Variants in CCDC7 observed in about 807,000 individuals in gnomAD.
CCDC7 encodes coiled-coil domain containing 7.
CCDC7 carries 183 observed loss-of-function variants against 196.9 expected under a neutral mutation model. The observed-to-expected ratio is 0.93, with a 90% CI of 0.82 to 1.05. The LOEUF (loss-of-function observed/expected upper bound fraction) is 1.05, where lower values mean the gene tolerates loss of function less well. CCDC7 is among the 50% of genes least tolerant of loss of function. The pLI is 0.00. For synonymous variants in CCDC7, 525 were observed against 484.6 expected (o/e 1.08, Z -1.10); for missense variants, 1,540 against 1,482.2 (o/e 1.04, Z -0.64).
At chr10:32,481,992 G>T (rs1264288991) in intron 8 of CCDC7, among the ~76,000 whole-genome samples, 1 of 151,760 alleles carries the variant, frequency 6.6e-6, no homozygotes, top group East Asian at 1.9e-4. Flanking sequence ...AATATTCTTT[G>T]GGTTGTACCT....
At chr10:32,669,902 A>T (rs867331822) in intron 21 of CCDC7, among the ~76,000 whole-genome samples, 82 of 152,218 alleles carry the variant, frequency 5.4e-4, no homozygotes, top group African/African-American at 1.6e-3. Flanking sequence ...TTATACGTGA[A>T]TTCTCTTTCT....
chr10:32,859,759 C>A (rs1433319728), intron 41 of CCDC7, among the ~76,000 whole-genome samples: 1 of 152,158 alleles, frequency 6.6e-6, no homozygotes, highest in Non-Finnish European at 1.5e-5. Context: ...GAAATACAAA[C>A]TACCATCAGA....
intron 18 of CCDC7, among the ~76,000 whole-genome samples, chr10:32,593,611 G>A (rs1456242827): frequency 1.3e-5 from 2 of 152,206 alleles, no homozygotes; most frequent in Non-Finnish European, 2.9e-5. Flanking sequence ...TTTTACACAT[G>A]AAGTCCTTGC....
At chr10:32,528,771 C>CATATATACGTATTTACATAT (rs1564559763) in intron 11 of CCDC7, among the ~76,000 whole-genome samples, 1 of 115,614 alleles carries the variant, frequency 8.6e-6, no homozygotes, top group African/African-American at 3.8e-5. Context: ...TTTACATATA[C>CATATATACGTATTTACATAT]ACACACATTA....
intron 32 of CCDC7, among the ~76,000 whole-genome samples, chr10:32,826,843 T>C (rs967773050): frequency 6.6e-6 from 1 of 152,222 alleles, no homozygotes; most frequent in African/African-American, 2.4e-5. Context: ...GTGCACCTGG[T>C]TGTGCACTCT....
chr10:32,556,118 T>C (rs1320399855), intron 13 of CCDC7, among the ~76,000 whole-genome samples: 7 of 152,202 alleles, frequency 4.6e-5, no homozygotes, highest in Admixed American at 4.6e-4. Flanking sequence ...TTGTACCTTT[T>C]TATGGGAGCT....
chr10:32,487,706 C>T (rs1293983851), intron 8 of CCDC7, among the ~76,000 whole-genome samples: 1 of 152,210 alleles, frequency 6.6e-6, no homozygotes, highest in Non-Finnish European at 1.5e-5. Context: ...TTCCAACAGT[C>T]AGGACCCTCA....
At chr10:32,652,018 A>T (rs1342983691) in intron 20 of CCDC7, among the ~76,000 whole-genome samples, 1 of 152,074 alleles carries the variant, frequency 6.6e-6, no homozygotes, top group Non-Finnish European at 1.5e-5. Flanking sequence ...TGTAGTGTTG[A>T]ATTCCCCTCC....
chr10:32,556,587 C>T (rs1232116578), intron 13 of CCDC7, among the ~76,000 whole-genome samples: 2 of 152,124 alleles, frequency 1.3e-5, no homozygotes, highest in African/African-American at 2.4e-5. Flanking sequence ...AGTCTTCTAT[C>T]TTTTTCATCA....
intron 21 of CCDC7, among the ~76,000 whole-genome samples, chr10:32,673,127 G>T (rs1446179444): frequency 6.6e-6 from 1 of 152,030 alleles, no homozygotes; most frequent in African/African-American, 2.4e-5. Context: ...ATTAATTCTG[G>T]ACTCCCTGTT....
At chr10:32,845,503 A>C in intron 34 of CCDC7, 40 bp from the exon 36 acceptor site, 6 of 1,497,812 alleles carry the variant, frequency 4.0e-6, no homozygotes, top group Non-Finnish European at 5.5e-6. Context: ...TGGTAATGAT[A>C]ATCTTACAAA....
At chr10:32,595,892 T>C (rs138703814) in intron 18 of CCDC7, among the ~76,000 whole-genome samples, 2 of 152,190 alleles carry the variant, frequency 1.3e-5, no homozygotes, top group African/African-American at 2.4e-5. Flanking sequence ...TTTTGGTTGC[T>C]CTGTGGTCTG....
At chr10:32,712,465 G>A (rs777649131) in intron 25 of CCDC7, among the ~76,000 whole-genome samples, 2 of 152,152 alleles carry the variant, frequency 1.3e-5, no homozygotes, top group Non-Finnish European at 2.9e-5. Flanking sequence ...CATGCTGCAC[G>A]TGGGTGAACA....
intron 16 of CCDC7, among the ~76,000 whole-genome samples, chr10:32,581,822 G>A (rs2058754526): frequency 6.6e-6 from 1 of 151,880 alleles, no homozygotes; most frequent in African/African-American, 2.4e-5. Context: ...AAAAACATTT[G>A]CTTTCTATTT....
intron 29 of CCDC7, among the ~76,000 whole-genome samples, chr10:32,787,402 C>T (rs1212619204): frequency 1.3e-5 from 2 of 152,202 alleles, no homozygotes; most frequent in African/African-American, 4.8e-5. Context: ...ACCTTCACAA[C>T]AGCTAAAGAA....
intron 20 of CCDC7, among the ~76,000 whole-genome samples, chr10:32,641,455 G>T (rs1284256048): frequency 1.3e-5 from 2 of 152,148 alleles, no homozygotes; most frequent in Admixed American, 1.3e-4. Context: ...GGCTACTGAG[G>T]CTTGTGCATT....
intron 25 of CCDC7, among the ~76,000 whole-genome samples, chr10:32,720,797 C>G (rs1237105102): frequency 1.3e-5 from 2 of 152,046 alleles, no homozygotes; most frequent in African/African-American, 4.8e-5. Context: ...CCCCAAAATG[C>G]TCAGTAGTAG....
intron 28 of CCDC7, among the ~76,000 whole-genome samples, chr10:32,746,637 A>G (rs962760954): frequency 2.0e-5 from 3 of 152,144 alleles, no homozygotes; most frequent in Non-Finnish European, 2.9e-5. Context: ...GGCTATGTCT[A>G]CTTGCAACAC....
At chr10:32,638,920 T>A (rs186331207) in intron 20 of CCDC7, among the ~76,000 whole-genome samples, 1 of 152,218 alleles carries the variant, frequency 6.6e-6, no homozygotes, top group African/African-American at 2.4e-5. Context: ...CTGTTATTGG[T>A]CTATTCAGAG....
Sources: gnomAD v4.1 joint callset for allele counts (sites outside exome capture counted in the v4.1 genomes callset) on GRCh38, gnomAD v4.1.1 for gene constraint, MANE v1.5 for transcripts, NCBI Gene and HGNC (gene_info 2026-07-23, HGNC 2026-07-21) for gene names.